Variants in SLITRK2 observed in about 807,000 individuals in gnomAD.
SLITRK2 encodes the protein SLIT and NTRK-like protein 2.
A neutral mutation model predicts 35.4 loss-of-function variants in SLITRK2; 13 were observed. The ratio of observed to expected loss-of-function variants is 0.37; its 90% CI spans 0.24 to 0.58. The LOEUF (loss-of-function observed/expected upper bound fraction) is 0.58. Among genes scored for constraint, SLITRK2 ranks in the 20% least tolerant of loss-of-function variants. The probability of loss-of-function intolerance (pLI) is 0.75; values close to 1 mark genes in which losing one functional copy is unlikely to be tolerated. For synonymous variants in SLITRK2, 294 were observed against 264.7 expected, an observed-to-expected ratio of 1.11 and a Z score of -1.07; for missense variants, 471 against 634.3, an observed-to-expected ratio of 0.74 and a Z score of 2.76.
In SLITRK2 at chrX:145,828,054, C is replaced by T. The variant is rs782793112; in HGVS notation, c.*3091C>T. 8.3e-6 allele frequency: 9 copies of T among 1,078,399 alleles called. No homozygotes were observed. Among genetic ancestry groups the T allele is most frequent in the Non-Finnish European group, 1.1e-5 (9 of 811,468 alleles). The allele number at this position is 1,078,399 out of a possible 1,213,427, so 88.9% of individuals were successfully genotyped here. On this transcript the variant is annotated 3_prime_UTR_variant, in exon 5 of 5. Transcript: ENST00000335565. ...TTCTATTTTAGCTCTTAATTAGTTG[C>T]TTTCACTATTTCCGAATATACCTGT...
rs371647332 is a variant in SLITRK2, at chrX:145,824,474, T to C, written c.2049T>C (p.His683=). The C allele has an allele frequency of 2.5e-6, 3 of 1,211,497 alleles. No homozygotes were observed. The highest frequency in any genetic ancestry group is 3.4e-6 in the Non-Finnish European group (3 of 895,453). Residue 683 remains histidine, a synonymous_variant, in exon 5 of 5, where the codon CAT becomes CAC. Transcript: ENST00000335565. ...AGACTCACGATAAAACAGACGGCCA[T>C]GTCTACAACTATATCCCCCCACCTG... ...NTETHDKTDG[H]VYNYIPPPVG...
rs2124215072 is a variant in SLITRK2 at position 145,824,862 on chromosome X, G to A, written c.2437G>A (p.Gly813Arg). ...LYGTPRKCFVGQSKPNHPLLQ... is the reference protein window; with the variant it reads ...LYGTPRKCFVRQSKPNHPLLQ... ...TGGAACTCCCAGGAAATGCTTTGTG[G>A]GGCAGTCAAAACCCAACCACCCTTT... The change falls in exon 5 of 5, where the codon GGG becomes AGG. Residue 813 changes from glycine (G) to arginine (R), a missense_variant. Gly to Arg is a moderately radical substitution (Grantham distance 125). Around this residue, in one of 7 missense-constraint regions of SLITRK2, gnomAD observed 190 missense variants for 199.3 expected, o/e 0.95. Coordinates refer to ENST00000335565, the MANE Select transcript of SLITRK2 (RefSeq NM_032539.5). The A allele has an allele frequency of 8.3e-7, 1 of 1,211,518 alleles. No individual in the cohort carries two copies. Among genetic ancestry groups the A allele is most frequent in the Non-Finnish European group, 1.1e-6 (1 of 895,476 alleles).
rs781905707 is a variant in SLITRK2 at position 145,821,484 on chromosome X, T to C, written c.-593T>C. On this transcript the variant is annotated 5_prime_UTR_variant, in exon 3 of 5. Transcript: ENST00000335565. ...GATCCTCTGCCTGCCCCCTCCCCCGTGACGTCACCCTAGTCCTGTCCCGGG... is the reference window on the plus strand; with the variant it reads ...GATCCTCTGCCTGCCCCCTCCCCCGCGACGTCACCCTAGTCCTGTCCCGGG... 1.8e-5 allele frequency: 2 copies of C among 109,945 alleles called. No individual in the cohort carries two copies. Among genetic ancestry groups the C allele is most frequent in the African/African-American group, 6.6e-5 (2 of 30,190 alleles). The allele number at this position is 109,945 out of a possible 1,213,427, so 9.1% of individuals were successfully genotyped here.
Position 145,828,848 on chromosome X carries a change from A to C in SLITRK2, c.*3885A>C, listed in dbSNP as rs782573012. The C allele has an allele frequency of 8.1e-6, 1 of 123,536 alleles. No homozygotes were observed. Among genetic ancestry groups the C allele is most frequent in the Non-Finnish European group, 1.9e-5 (1 of 53,298 alleles). The allele number at this position is 123,536 out of a possible 1,213,427, so 10.2% of individuals were successfully genotyped here. A position where few individuals can be genotyped will look rare whatever the true frequency, so the allele number is the denominator to read the frequency against. ...ATAAGATAAAATAAAACAAATTTAA[A>C]CACCAAAATAAGATATAATAAAACA... On this transcript the variant is annotated 3_prime_UTR_variant, in exon 5 of 5. Transcript: ENST00000335565.
At position 145,825,253 on chromosome X, in the gene SLITRK2, T is replaced by G. The variant is rs1398855624; in HGVS notation, c.*290T>G. On this transcript the variant is annotated 3_prime_UTR_variant, in exon 5 of 5. Transcript: ENST00000335565. The stretch of plus-strand genomic sequence containing the variant: ...ATGAATGTTTCTACAATGCATTTCT[T>G]CATAGATTTTGTTTATGGTTTTGTT... The G allele has an allele frequency of 3.8e-6, 1 of 264,327 alleles. No individual in the cohort carries two copies. The highest frequency in any genetic ancestry group is 6.9e-6 in the Non-Finnish European group (1 of 145,948). 21.8% of individuals were successfully genotyped at this position (264,327 alleles called of 1,213,427 possible).
intron 1 of SLITRK2, chrX:145,819,296 A>G (rs1394836673): frequency 8.9e-6 from 1 of 112,361 alleles, no homozygotes; most frequent in Non-Finnish European, 1.9e-5. Context: ...GGATACCTTT[A>G]AGTAAAACAC....
chrX:145,821,121 TCA>T lies in SLITRK2; in HGVS notation c.-729-225_-729-224del, dbSNP rs781940605. ...CACACACTCTCTCTCTCTCTCTCTC[TCA>T]CTCACACACACACACACACACACAC... On this transcript the variant is annotated intron_variant, in intron 2 of 4. Transcript: ENST00000335565. 124 of 43,881 alleles carry T rather than the reference TCA, an allele frequency of 2.8e-3. 1 individual carries two copies. Among genetic ancestry groups the T allele is most frequent in the African/African-American group, 7.6e-3 (106 of 13,890 alleles). 3.6% of individuals were successfully genotyped at this position (43,881 alleles called of 1,213,427 possible).
In SLITRK2 at chrX:145,825,095, G is replaced by C; in HGVS notation, c.*132G>C. The C allele has an allele frequency of 1.3e-6, 1 of 749,825 alleles. No homozygotes were observed. Among genetic ancestry groups the C allele is most frequent in the Non-Finnish European group, 1.8e-6 (1 of 547,223 alleles). 61.8% of individuals were successfully genotyped at this position (749,825 alleles called of 1,213,427 possible). On this transcript the variant is annotated 3_prime_UTR_variant, in exon 5 of 5. Coordinates refer to ENST00000335565, the MANE Select transcript of SLITRK2 (RefSeq NM_032539.5). ...AATGGGGGACTTTGAAAATGTTTGG[G>C]AGATAGGATGAAGTCATGATTTTGC...
At position 145,820,522 on chromosome X, in the gene SLITRK2, C is replaced by T. The variant is rs1019088915; in HGVS notation, c.-744C>T. ...CTAGTGGCACATCTAGCAACAGAGC[C>T]AGATCAGAACCCAGGTAAGCTCGGT... is the stretch of plus-strand genomic sequence containing the variant. On this transcript the variant is annotated 5_prime_UTR_variant, in exon 2 of 5. Coordinates refer to ENST00000335565, the MANE Select transcript of SLITRK2 (RefSeq NM_032539.5). The T allele has an allele frequency of 1.8e-5, 2 of 112,127 alleles. No individual in the cohort carries two copies. Among genetic ancestry groups the T allele is most frequent in the Non-Finnish European group, 3.8e-5 (2 of 53,243 alleles). 9.2% of individuals were successfully genotyped at this position (112,127 alleles called of 1,213,427 possible).
rs1432937483 is a variant in SLITRK2 at position 145,829,134 on chromosome X, T to C, written c.*4171T>C. 6.5e-5 allele frequency: 8 copies of C among 123,680 alleles called. No homozygotes were observed. The highest frequency in any genetic ancestry group is 2.3e-4 in the African/African-American group (7 of 30,925). 10.2% of individuals were successfully genotyped at this position (123,680 alleles called of 1,213,427 possible). A position where few individuals can be genotyped will look rare whatever the true frequency, so the allele number is the denominator to read the frequency against. ...CTTAATCCTGAGAGAGAAAATTAAGTACTGTATATAGGTGTACTTTGCTTC... is the reference window on the plus strand; with the variant it reads ...CTTAATCCTGAGAGAGAAAATTAAGCACTGTATATAGGTGTACTTTGCTTC... On this transcript the variant is annotated 3_prime_UTR_variant, in exon 5 of 5. Coordinates refer to ENST00000335565, the MANE Select transcript of SLITRK2 (RefSeq NM_032539.5).
rs2073133539 is a variant in SLITRK2 at position 145,827,008 on chromosome X, T to A, written c.*2045T>A. ...GAAGAGAAACATATCTTTAACAACA[T>A]AAAATCTCTGAATATCTACAGTGGC... On this transcript the variant is annotated 3_prime_UTR_variant, in exon 5 of 5. Transcript: ENST00000335565. 1 of 112,026 alleles carries A rather than the reference T, an allele frequency of 8.9e-6. No homozygotes were observed. Among genetic ancestry groups the A allele is most frequent in the Non-Finnish European group, 1.9e-5 (1 of 53,131 alleles). The allele number at this position is 112,026 out of a possible 1,213,427, so 9.2% of individuals were successfully genotyped here.
rs1294808258 is a variant in SLITRK2 at position 145,822,995 on chromosome X, G to A, written c.570G>A (p.Gly190=). 24 of 1,211,565 alleles carry A rather than the reference G, an allele frequency of 2.0e-5. No individual in the cohort carries two copies. Among genetic ancestry groups the A allele is most frequent in the Non-Finnish European group, 2.6e-5 (23 of 895,380 alleles). Residue 190 remains glycine (G), a synonymous_variant, in exon 5 of 5, where the codon GGG becomes GGA. Coordinates refer to ENST00000335565, the MANE Select transcript of SLITRK2 (RefSeq NM_032539.5). Reference sequence around the variant, plus strand: ...TGCTGACCCACTTAGACCTCAGGGGGAATAGGCTAAAAGTAATGCCTTTTG... The same window carrying A: ...TGCTGACCCACTTAGACCTCAGGGGAAATAGGCTAAAAGTAATGCCTTTTG... ...FVLLTHLDLR[G]NRLKVMPFAG...
intron 3 of SLITRK2, 21 bp from the exon 4 acceptor site, chrX:145,821,984 C>CTT (rs59008836): frequency 8.7e-5 from 9 of 103,623 alleles, no homozygotes; most frequent in African/African-American, 1.5e-4. Context: ...CCTTTTTGCG[C>CTT]TTTTTTTTTT....
rs1487790932 is a variant in SLITRK2, at chrX:145,827,195, G to T, written c.*2232G>T. On this transcript the variant is annotated 3_prime_UTR_variant, in exon 5 of 5. Transcript: ENST00000335565. The stretch of plus-strand genomic sequence containing the variant: ...TAGAATATTATGCTAGTTGAATGTG[G>T]AGAAGACTCCTGGAAACCACTTCAT... The T allele has an allele frequency of 8.9e-6, 1 of 111,874 alleles. No homozygotes were observed. The highest frequency in any genetic ancestry group is 1.9e-5 in the Non-Finnish European group (1 of 53,204). The allele number at this position is 111,874 out of a possible 1,213,427, so 9.2% of individuals were successfully genotyped here. A position where few individuals can be genotyped will look rare whatever the true frequency, so the allele number is the denominator to read the frequency against.
At position 145,825,872 on chromosome X, in the gene SLITRK2, T is replaced by C. The variant is rs1195404342; in HGVS notation, c.*909T>C. ...AGAGTGAATTGAGCAATTAATGCCCTTCCATAAATCATTATTTTACACTAA... is the reference window on the plus strand; with the variant it reads ...AGAGTGAATTGAGCAATTAATGCCCCTCCATAAATCATTATTTTACACTAA... On this transcript the variant is annotated 3_prime_UTR_variant, in exon 5 of 5. Coordinates refer to ENST00000335565, the MANE Select transcript of SLITRK2 (RefSeq NM_032539.5). 8.2e-6 allele frequency: 1 copy of C among 121,918 alleles called. No individual in the cohort carries two copies. Among genetic ancestry groups the C allele is most frequent in the East Asian group, 2.8e-4 (1 of 3,556 alleles). 10.0% of individuals were successfully genotyped at this position (121,918 alleles called of 1,213,427 possible).
At position 145,822,109 on chromosome X, in the gene SLITRK2, G is replaced by T; in HGVS notation, c.-88G>T. 7.5e-6 allele frequency: 2 copies of T among 265,431 alleles called. No homozygotes were observed. The highest frequency in any genetic ancestry group is 1.3e-5 in the Non-Finnish European group (2 of 151,829). 21.9% of individuals were successfully genotyped at this position (265,431 alleles called of 1,213,427 possible). On this transcript the variant is annotated 5_prime_UTR_variant, in exon 4 of 5. Coordinates refer to ENST00000335565, the MANE Select transcript of SLITRK2 (RefSeq NM_032539.5). ...GGGCAGGATTTAGTAGGACAACTCG[G>T]TTACTAATGACTTGGCGGCTGGCTG...
chrX:145,822,273 C>A, intron 4 of SLITRK2, 110 bp from the exon 5 acceptor site: 2 of 455,632 alleles, frequency 4.4e-6, no homozygotes, highest in East Asian at 3.7e-5. Flanking sequence ...TGTTGCTAAC[C>A]CCCTCATTCT....
Position 145,824,898 on chromosome X carries a change from A to G in SLITRK2, c.2473A>G (p.Lys825Glu), listed in dbSNP as rs1556945341. 1.7e-6 allele frequency: 2 copies of G among 1,211,425 alleles called. No homozygotes were observed. The highest frequency in any genetic ancestry group is 4.3e-5 in the Admixed American group (2 of 45,991). Residue 825 changes from lysine to glutamate, a missense_variant, in exon 5 of 5, where the codon AAG (lysine) becomes GAG (glutamate). Around this residue, in one of 7 missense-constraint regions of SLITRK2, gnomAD observed 190 missense variants for 199.3 expected, o/e 0.95. Coordinates refer to ENST00000335565, the MANE Select transcript of SLITRK2 (RefSeq NM_032539.5). ...SKPNHPLLQA[K>E]PQSEPDYLEV... ...ACCCAACCACCCTTTACTGCAAGCTAAGCCGCAATCAGAACCGGACTACCT... is the reference window on the plus strand; with the variant it reads ...ACCCAACCACCCTTTACTGCAAGCTGAGCCGCAATCAGAACCGGACTACCT...
At position 145,822,633 on chromosome X, in the gene SLITRK2, A is replaced by G. The variant is rs2124151763; in HGVS notation, c.208A>G (p.Asn70Asp). The G allele has an allele frequency of 8.3e-7, 1 of 1,211,683 alleles. No individual in the cohort carries two copies. The highest frequency in any genetic ancestry group is 1.1e-6 in the Non-Finnish European group (1 of 895,390). ...PQYRIYQLFL[N>D]GNLLTRLYPN... is the part of the protein sequence containing the mutation. ...GTATCGAATCTATCAGCTTTTTCTC[A>G]ATGGAAACCTCTTGACAAGACTGTA... Residue 70 changes from asparagine to aspartate, a missense_variant, in exon 5 of 5, where the codon AAT becomes GAT. Around this residue, in one of 7 missense-constraint regions of SLITRK2, gnomAD observed 98 missense variants for 120.6 expected, o/e 0.81. Coordinates refer to ENST00000335565, the MANE Select transcript of SLITRK2 (RefSeq NM_032539.5).
Sources: gnomAD v4.1 joint callset for allele counts on GRCh38, gnomAD v4.1.1 for gene constraint, gnomAD v4.1.1 regional missense constraint, MANE v1.5 for transcripts, NCBI Gene and HGNC (gene_info 2026-07-23, HGNC 2026-07-21) for gene names.